NCOR2: variants seen among roughly 807,000 people sequenced by gnomAD.
NCOR2 encodes the protein nuclear receptor corepressor 2.
In NCOR2, 81 loss-of-function variants were observed where a neutral mutation model predicts 262.9. That is an observed-to-expected ratio of 0.31 (90% CI 0.26 to 0.37). NCOR2 has a LOEUF of 0.37. Ranked by LOEUF, NCOR2 falls within the 10% of genes least tolerant of loss-of-function variation. The pLI is 1.00. For missense variants in NCOR2, 3,385 were observed against 3,621.4 expected (o/e 0.93, Z 1.68); for synonymous variants, 1,659 against 1,559.3 (o/e 1.06, Z -1.51).
In NCOR2 at chr12:124,548,666, G is replaced by A. The variant is rs936795959; in HGVS notation, c.-164-13055C>T. On this transcript the variant is annotated intron_variant, in intron 1 of 32. Coordinates refer to the NCOR2 transcript ENST00000458234. The surrounding 1 kb of genome is among the most constrained non-coding windows in gnomAD (Gnocchi z 5.1). ...TGTTATTTTTTTCTGTGCTGTTAGG[G>A]CGGGGCGGGGGATCTCCATGGCAGG... Among the ~76,000 whole-genome samples, 2 of 151,870 alleles carry A rather than the reference G, an allele frequency of 1.3e-5. No individual in the cohort carries two copies. Among genetic ancestry groups the A allele is most frequent in the African/African-American group, 4.8e-5 (2 of 41,292 alleles).
intron 46 of NCOR2, 143 bp downstream of exon 48, chr12:124,326,048 G>A (rs1219686738): frequency 3.3e-6 from 3 of 910,156 alleles, no homozygotes; most frequent in Non-Finnish European, 4.5e-6. Flanking sequence ...CAGCTGCCCA[G>A]GCCCCTGGAC....
intron 44 of NCOR2, among the ~76,000 whole-genome samples, chr12:124,329,414 T>C (rs902350732): frequency 3.3e-5 from 5 of 151,938 alleles, no homozygotes; most frequent in African/African-American, 4.8e-5. Flanking sequence ...TGAGCCAAGA[T>C]TGCACCACTG....
At chr12:124,339,932 C>T (rs2036311683) in intron 37 of NCOR2, 74 bp downstream of exon 39, 3 of 716,944 alleles carry the variant, frequency 4.2e-6, no homozygotes, top group African/African-American at 1.9e-5. Context: ...CACCAAGCAT[C>T]CTCTTATCTG....
intron 1 of NCOR2, chr12:124,556,416 C>T (rs2051884335): frequency 1.3e-5 from 2 of 152,340 alleles, no homozygotes; most frequent in Non-Finnish European, 2.9e-5. Flanking sequence ...ACCTGGGACA[C>T]AGACAGACGT....
chr12:124,364,143 T>A (rs1412316030), intron 20 of NCOR2, among the ~76,000 whole-genome samples: 1 of 151,672 alleles, frequency 6.6e-6, no homozygotes, highest in East Asian at 1.9e-4. Flanking sequence ...GGATCAAACA[T>A]CCCCAAAGAC....
At chr12:124,563,925 C>A (rs1207547985) in intron 1 of NCOR2, among the ~76,000 whole-genome samples, 2 of 152,234 alleles carry the variant, frequency 1.3e-5, no homozygotes, top group African/African-American at 2.4e-5. Flanking sequence ...CGTGAATAAT[C>A]CCAGGTCTTA....
chr12:124,335,983 G>C (rs953072929), intron 38 of NCOR2: 2 of 270,582 alleles, frequency 7.4e-6, no homozygotes, highest in Non-Finnish European at 1.4e-5. Flanking sequence ...AGTGTGTGGG[G>C]CGGAGTGAGA....
At chr12:124,384,478 G>A (rs1359162798) in intron 17 of NCOR2, among the ~76,000 whole-genome samples, 3 of 152,188 alleles carry the variant, frequency 2.0e-5, no homozygotes, top group African/African-American at 4.8e-5. Flanking sequence ...CCTGAGGCCA[G>A]AGGGTGGATC....
At chr12:124,552,912 T>C (rs1434389588) in intron 1 of NCOR2, among the ~76,000 whole-genome samples, 1 of 152,196 alleles carries the variant, frequency 6.6e-6, no homozygotes. Context: ...CTTGAACTCC[T>C]GGCCTCAAGC....
exon 20 of NCOR2, chr12:124,372,501 G>A (rs375725543): frequency 1.0e-5 from 16 of 1,586,494 alleles, no homozygotes; most frequent in South Asian, 2.2e-5. Context: ...GGGGTGGCCC[G>A]TCGGCGCCCA....
rs149928458 is a variant in NCOR2 at position 124,506,481 on chromosome 12, C to CT, written c.-117-11114dup. 7.9e-4 allele frequency among the ~76,000 whole-genome samples: 118 copies of CT among 149,588 alleles called. 1 individual carries two copies. Among genetic ancestry groups the CT allele is most frequent in the Non-Finnish European group, 1.3e-3 (90 of 67,020 alleles). Reference sequence around the variant, plus strand: ...CTCAAAATCACTTCCTCCTCCCCTCCTTTTTTTTTTGTTTCCATTTAATTT... The same window carrying CT: ...CTCAAAATCACTTCCTCCTCCCCTCCTTTTTTTTTTTGTTTCCATTTAATTT... On this transcript the variant is annotated intron_variant, in intron 1 of 46. Transcript: ENST00000404621.
intron 11 of NCOR2, among the ~76,000 whole-genome samples, chr12:124,425,444 C>G (rs1423752730): frequency 1.3e-5 from 2 of 151,842 alleles, no homozygotes; most frequent in African/African-American, 4.8e-5. Context: ...TTTAGCTCAT[C>G]ATGTATCATT....
chr12:124,399,673 T>C (rs1018757327), intron 15 of NCOR2, among the ~76,000 whole-genome samples: 2 of 152,110 alleles, frequency 1.3e-5, no homozygotes, highest in Non-Finnish European at 2.9e-5. Flanking sequence ...TGGGGGTCTG[T>C]GGGAGATGAA....
Position 124,339,206 on chromosome 12 carries a change from C to T in NCOR2, c.5687+800G>A, listed in dbSNP as rs978421168. ...TACCCACCCATCTACCTACCTAACCCGATCTACCTACCACCCACCCACCCA... is the reference window on the plus strand; with the variant it reads ...TACCCACCCATCTACCTACCTAACCTGATCTACCTACCACCCACCCACCCA... On this transcript the variant is annotated intron_variant, in intron 37 of 46. Coordinates refer to ENST00000405201, the Ensembl canonical transcript of NCOR2. Among the ~76,000 whole-genome samples, 10 of 138,398 alleles carry T rather than the reference C, an allele frequency of 7.2e-5. No homozygotes were observed. In the South Asian group the frequency reaches 1.5e-3, roughly 21 times the overall value. 90.8% of individuals were successfully genotyped at this position (138,398 alleles called of 152,430 possible). A position where few individuals can be genotyped will look rare whatever the true frequency, so the allele number is the denominator to read the frequency against.
At chr12:124,392,705 C>T (rs1274321532) in intron 16 of NCOR2, among the ~76,000 whole-genome samples, 1 of 152,220 alleles carries the variant, frequency 6.6e-6, no homozygotes, top group South Asian at 2.1e-4. Context: ...TCCCAGTGGA[C>T]ATGTAGTGGA....
intron 16 of NCOR2, among the ~76,000 whole-genome samples, chr12:124,390,756 C>T (rs2041247740): frequency 1.3e-5 from 2 of 152,258 alleles, no homozygotes; most frequent in Non-Finnish European, 2.9e-5. Context: ...TGTGCCAGGG[C>T]GGAGATGGCA....
intron 7 of NCOR2, among the ~76,000 whole-genome samples, chr12:124,445,701 C>T (rs2045124193): frequency 6.6e-6 from 1 of 152,192 alleles, no homozygotes; most frequent in Admixed American, 6.5e-5. Context: ...AGTCACTTAT[C>T]ACAATGTATT....
In NCOR2 at chr12:124,549,865, G is replaced by GC. The variant is rs1382591160; in HGVS notation, c.-164-14255dup. ...CAGGGGTGGATGGGCAGAGTGTCAC[G>GC]CCTGCCTAGGGGAAGTACACGCTAG... On this transcript the variant is annotated intron_variant, in intron 1 of 32. Transcript: ENST00000458234. This position sits in a 1 kb window ranked among gnomAD's most constrained non-coding sequence, Gnocchi z 4.4. Among the ~76,000 whole-genome samples, 9 of 152,144 alleles carry GC rather than the reference G, an allele frequency of 5.9e-5. No homozygotes were observed. Among genetic ancestry groups the GC allele is most frequent in the Admixed American group, 4.6e-4 (7 of 15,284 alleles).
intron 1 of NCOR2, among the ~76,000 whole-genome samples, chr12:124,563,540 C>T (rs117700021): frequency 0.02 from 3,005 of 152,360 alleles, 36 homozygotes; most frequent in Non-Finnish European, 0.029. Context: ...AGAAGCCCTC[C>T]GGCTACACAG....
Sources: gnomAD v4.1 joint callset for allele counts (sites outside exome capture counted in the v4.1 genomes callset) on GRCh38, gnomAD v4.1.1 for gene constraint, Gnocchi (gnomAD v3.1) non-coding constraint, MANE v1.5 for transcripts, NCBI Gene and HGNC (gene_info 2026-07-23, HGNC 2026-07-21) for gene names.